The following EYS variants were observed in gnomAD, a reference collection of about 807,000 sequenced individuals.
EYS encodes EGF-like photoreceptor maintenance factor.
Under a neutral mutation model 282.1 loss-of-function variants are expected in EYS, and 250 were observed. That is an observed-to-expected ratio of 0.89 (90% CI 0.80 to 0.98). EYS has a LOEUF of 0.98. EYS is among the 50% of genes least tolerant of loss of function. The probability of loss-of-function intolerance (pLI) is 0.00; values close to 1 mark genes in which losing one functional copy is unlikely to be tolerated. For synonymous variants in EYS, 1,355 were observed against 1,282.9 expected, an observed-to-expected ratio of 1.06 and a Z score of -1.20; for missense variants, 4,016 against 3,709.0, an observed-to-expected ratio of 1.08 and a Z score of -2.15.
intron 36 of EYS, among the ~76,000 whole-genome samples, chr6:63,810,304 AC>A (rs35022381): frequency 0.027 from 2,946 of 107,342 alleles, 84 homozygotes; most frequent in African/African-American, 0.081. Flanking sequence ...GACAAAAACA[AC>A]CCCCCCCCCC....
rs76890630 is a variant in EYS, at chr6:64,739,215, T to C, written c.3443+74163A>G. ...TTTCAGTCACATCTCAGTAAATTTATGATAATCACTATTTTGTTTTTGAAA... is the reference window on the plus strand; with the variant it reads ...TTTCAGTCACATCTCAGTAAATTTACGATAATCACTATTTTGTTTTTGAAA... On this transcript the variant is annotated intron_variant, in intron 22 of 42. Coordinates refer to ENST00000503581, the MANE Select transcript of EYS (RefSeq NM_001142800.2). Among the ~76,000 whole-genome samples the C allele has an allele frequency of 6.6e-3, 1,012 of 152,338 alleles. 8 individuals are homozygous for C. The highest frequency in any genetic ancestry group is 0.02 in the African/African-American group (828 of 41,584).
At chr6:65,392,390 C>A (rs187195093) in intron 7 of EYS, among the ~76,000 whole-genome samples, 3 of 152,224 alleles carry the variant, frequency 2.0e-5, no homozygotes, top group East Asian at 1.9e-4. Flanking sequence ...AGGCAAGCAA[C>A]AAAATGGGAG....
chr6:64,403,104 C>T (rs1385675072), intron 28 of EYS, among the ~76,000 whole-genome samples: 1 of 151,672 alleles, frequency 6.6e-6, no homozygotes, highest in African/African-American at 2.4e-5. Flanking sequence ...TAATCAAGAA[C>T]AATATATCCA....
intron 29 of EYS, among the ~76,000 whole-genome samples, chr6:64,327,774 G>C (rs1411305127): frequency 6.6e-6 from 1 of 152,168 alleles, no homozygotes; most frequent in Non-Finnish European, 1.5e-5. Context: ...CACCTGAAGA[G>C]TTAGAAAGTC....
At chr6:64,803,616 C>T (rs60290063) in intron 22 of EYS, among the ~76,000 whole-genome samples, 1,588 of 152,270 alleles carry the variant, frequency 0.01, 34 homozygotes, top group African/African-American at 0.036. Flanking sequence ...TTGTCCAAGG[C>T]GCTCAGGCTG....
chr6:65,575,027 A>G (rs867772596), intron 2 of EYS, among the ~76,000 whole-genome samples: 6 of 152,170 alleles, frequency 3.9e-5, no homozygotes, highest in Non-Finnish European at 5.9e-5. Flanking sequence ...CAAACAGGTC[A>G]AGAATAAATT....
chr6:63,952,033 T>C (rs1302720777), intron 35 of EYS, among the ~76,000 whole-genome samples: 1 of 152,112 alleles, frequency 6.6e-6, no homozygotes, highest in Non-Finnish European at 1.5e-5. Flanking sequence ...ACCTTCAAGG[T>C]GTACAATAAC....
intron 36 of EYS, among the ~76,000 whole-genome samples, chr6:63,832,831 A>T (rs765814145): frequency 1.3e-5 from 2 of 152,202 alleles, no homozygotes; most frequent in Non-Finnish European, 2.9e-5. Context: ...AATACTGGCA[A>T]ACCAAATCCA....
At chr6:65,035,630 T>C (rs1357430176) in intron 13 of EYS, among the ~76,000 whole-genome samples, 1 of 151,936 alleles carries the variant, frequency 6.6e-6, no homozygotes, top group Non-Finnish European at 1.5e-5. Context: ...ACAGGGTTGT[T>C]AAAAATTTCT....
intron 30 of EYS, among the ~76,000 whole-genome samples, chr6:64,286,254 G>C (rs1031769868): frequency 6.6e-6 from 1 of 152,146 alleles, no homozygotes; most frequent in Admixed American, 6.5e-5. Flanking sequence ...CAAAGAACCT[G>C]AGTTTTATCC....
chr6:65,499,884 A>G (rs575313558), intron 2 of EYS, among the ~76,000 whole-genome samples: 1 of 152,036 alleles, frequency 6.6e-6, no homozygotes, highest in South Asian at 2.1e-4. Flanking sequence ...CTATTGGGAG[A>G]CACCGGTCCT....
chr6:65,586,460 T>C (rs1388241694), intron 2 of EYS, among the ~76,000 whole-genome samples: 2 of 152,106 alleles, frequency 1.3e-5, no homozygotes, highest in Non-Finnish European at 2.9e-5. Context: ...GTAGCCATTG[T>C]GGAATTAGGA....
chr6:64,582,471 T>C (rs1420425531), intron 26 of EYS, among the ~76,000 whole-genome samples: 1 of 152,144 alleles, frequency 6.6e-6, no homozygotes, highest in Non-Finnish European at 1.5e-5. Flanking sequence ...TTTTGGGGAC[T>C]GCTGATGTAC....
intron 22 of EYS, among the ~76,000 whole-genome samples, chr6:64,632,724 T>C (rs1417941854): frequency 1.3e-5 from 2 of 152,258 alleles, no homozygotes; most frequent in African/African-American, 4.8e-5. Flanking sequence ...GGAAACACAA[T>C]AGGAGCATCA....
At chr6:64,803,890 G>A (rs976731403) in intron 22 of EYS, among the ~76,000 whole-genome samples, 3 of 152,218 alleles carry the variant, frequency 2.0e-5, no homozygotes, top group Admixed American at 1.3e-4. Flanking sequence ...AGACTGTGGG[G>A]CCATGGGGTA....
At chr6:65,675,917 A>G (rs1768571124) in intron 1 of EYS, among the ~76,000 whole-genome samples, 1 of 151,912 alleles carries the variant, frequency 6.6e-6, no homozygotes, top group Non-Finnish European at 1.5e-5. Context: ...ACAACTGAAT[A>G]AAAATAGAAA....
chr6:64,183,223 T>C (rs1764839233), intron 31 of EYS, among the ~76,000 whole-genome samples: 1 of 152,144 alleles, frequency 6.6e-6, no homozygotes, highest in Non-Finnish European at 1.5e-5. Context: ...TCCCCACACA[T>C]GCGGAACTGT....
chr6:64,886,969 A>AT, intron 18 of EYS, 127 bp from the exon 19 acceptor site: 1 of 662,126 alleles, frequency 1.5e-6, no homozygotes, highest in Non-Finnish European at 2.3e-6. Context: ...TATGTATTTC[A>AT]TTTTTTTCTT....
chr6:65,410,675 C>T (rs1766955086), intron 5 of EYS, among the ~76,000 whole-genome samples: 1 of 149,736 alleles, frequency 6.7e-6, no homozygotes, highest in African/African-American at 2.5e-5. Context: ...CTGTGTCTGG[C>T]CTATTTCAAT....
Sources: gnomAD v4.1 joint callset for allele counts (sites outside exome capture counted in the v4.1 genomes callset) on GRCh38, gnomAD v4.1.1 for gene constraint, MANE v1.5 for transcripts, NCBI Gene and HGNC (gene_info 2026-07-23, HGNC 2026-07-21) for gene names.